VEZF1: variants seen among roughly 807,000 people sequenced by gnomAD.
The protein encoded by VEZF1 is putative transcription factor DB1.
A neutral mutation model predicts 44.1 loss-of-function variants in VEZF1; 5 were observed. The observed-to-expected ratio is 0.11, with a 90% CI of 0.06 to 0.24. VEZF1 has a LOEUF of 0.24. Among genes scored for constraint, VEZF1 ranks in the 10% least tolerant of loss-of-function variants. The pLI, the probability that VEZF1 is intolerant of heterozygous loss-of-function variation, is 1.00. For synonymous variants in VEZF1, 236 were observed against 233.1 expected, an observed-to-expected ratio of 1.01 and a Z score of -0.11; for missense variants, 358 against 641.8, an observed-to-expected ratio of 0.56 and a Z score of 4.78.
chr17:57,986,411 T>C (rs2075294095), intron 1 of VEZF1, among the ~76,000 whole-genome samples: 1 of 152,210 alleles, frequency 6.6e-6, no homozygotes, highest in Admixed American at 6.5e-5. Flanking sequence ...AATAACCATT[T>C]GAGCTTTTTT....
At chr17:57,981,996 T>G (rs1403632522) in intron 2 of VEZF1, 60 bp from the exon 3 acceptor site, 22 of 1,568,128 alleles carry the variant, frequency 1.4e-5, no homozygotes, top group Non-Finnish European at 1.8e-5. Context: ...ATGCTACTTA[T>G]GTGATGCTCA....
rs766829949 is a variant in VEZF1, at chr17:57,980,756, T to C, written c.823A>G (p.Arg275Gly). 6.2e-7 allele frequency: 1 copy of C among 1,614,098 alleles called. No individual in the cohort carries two copies. Among genetic ancestry groups the C allele is most frequent in the Non-Finnish European group, 8.5e-7 (1 of 1,180,036 alleles). Residue 275 changes from arginine (R) to glycine (G), a missense_variant, in exon 4 of 6, where the codon AGA becomes GGA. Around this residue, in one of 4 missense-constraint regions of VEZF1, gnomAD observed 48 missense variants for 144.9 expected, o/e 0.33. Transcript: ENST00000581208. ...TCTAAFATKD[R>G]LRTHMVRHEG... ...TGGCGCACCATGTGTGTCCGCAGTC[T>C]GTCTTTGGTGGCAAAGGCAGCAGTG...
intron 4 of VEZF1, among the ~76,000 whole-genome samples, chr17:57,980,153 A>C (rs1318631961): frequency 1.3e-5 from 2 of 152,040 alleles, no homozygotes; most frequent in East Asian, 3.8e-4. Context: ...TTTTTTTGAG[A>C]ATTTGATGTT....
At position 57,981,856 on chromosome 17, in the gene VEZF1, G is replaced by A. The variant is rs1242440530; in HGVS notation, c.792+17C>T. On this transcript the variant is annotated intron_variant, in intron 3 of 5. Transcript: ENST00000581208. ...GCATTAAGTGCTACACTAAGGATAA[G>A]TCATTTTAACTCTTACTTGGCATTT... 26 of 1,611,390 alleles carry A rather than the reference G, an allele frequency of 1.6e-5. No individual in the cohort carries two copies. Among genetic ancestry groups the A allele is most frequent in the Non-Finnish European group, 2.1e-5 (25 of 1,177,584 alleles).
At chr17:57,982,008 A>G (rs2075253508) in intron 2 of VEZF1, 72 bp from the exon 3 acceptor site, 1 of 1,530,300 alleles carries the variant, frequency 6.5e-7, no homozygotes, top group Non-Finnish European at 9.0e-7. Flanking sequence ...TGATGCTCAC[A>G]TGCTTGGCAG....
At chr17:57,975,066 C>T (rs557853352) in intron 5 of VEZF1, among the ~76,000 whole-genome samples, 166 bp from the exon 6 acceptor site, 1 of 152,310 alleles carries the variant, frequency 6.6e-6, no homozygotes, top group African/African-American at 2.4e-5. Context: ...GAGCACAAGC[C>T]TGGGGGCCAG....
At chr17:57,979,894 C>A (rs1216545118) in intron 4 of VEZF1, among the ~76,000 whole-genome samples, 1 of 147,648 alleles carries the variant, frequency 6.8e-6, no homozygotes, top group African/African-American at 2.5e-5. Context: ...CGCTTGAACC[C>A]AGGAGGCGGA....
intron 1 of VEZF1, among the ~76,000 whole-genome samples, chr17:57,986,562 T>C (rs770701862): frequency 6.6e-6 from 1 of 152,200 alleles, no homozygotes; most frequent in Non-Finnish European, 1.5e-5. Flanking sequence ...CTGATCAGAA[T>C]GAGAAAAGGG....
Position 57,974,095 on chromosome 17 carries a change from G to A in VEZF1, c.*378C>T, listed in dbSNP as rs1309759452. 9.5e-6 allele frequency: 2 copies of A among 210,892 alleles called. No individual in the cohort carries two copies. Among genetic ancestry groups the A allele is most frequent in the Non-Finnish European group, 1.9e-5 (2 of 103,246 alleles). The allele number at this position is 210,892 out of a possible 1,614,324, so 13.1% of individuals were successfully genotyped here. ...AAATCAGCCATCCACCTTGTATAGG[G>A]AGAAGAGTTCTGCTAGTGTTTACAA... On this transcript the variant is annotated 3_prime_UTR_variant, in exon 6 of 6. Transcript: ENST00000581208.
At chr17:57,983,997 A>G (rs2075274047) in intron 1 of VEZF1, among the ~76,000 whole-genome samples, 1 of 152,190 alleles carries the variant, frequency 6.6e-6, no homozygotes, top group Non-Finnish European at 1.5e-5. Flanking sequence ...GTTGAAACAA[A>G]ATCTGCTATG....
At chr17:57,975,559 A>G (rs1223151818) in intron 5 of VEZF1, among the ~76,000 whole-genome samples, 1 of 152,220 alleles carries the variant, frequency 6.6e-6, no homozygotes, top group South Asian at 2.1e-4. Context: ...AAATAATCTT[A>G]TTCTTTCTGG....
chr17:57,981,306 CCAG>C (rs2075247855), intron 3 of VEZF1, among the ~76,000 whole-genome samples: 1 of 152,168 alleles, frequency 6.6e-6, no homozygotes, highest in African/African-American at 2.4e-5. Context: ...TAAAAGACTT[CCAG>C]CAACAAACTA....
chr17:57,980,460 T>C (rs2075238687), intron 4 of VEZF1, 143 bp downstream of exon 4: 1 of 723,432 alleles, frequency 1.4e-6, no homozygotes, highest in African/African-American at 1.8e-5. Context: ...ATTAATATAC[T>C]CTGTCCATTG....
chr17:57,974,832 T>C lies in VEZF1; in HGVS notation c.1207A>G (p.Ile403Val). Residue 403 changes from isoleucine to valine, a missense_variant, in exon 6 of 6, where the codon ATA (isoleucine) becomes GTA (valine). Transcript: ENST00000581208. ...TPVTLTTPFSITSSVSSGTMS... is the reference protein window; with the variant it reads ...TPVTLTTPFSVTSSVSSGTMS... ...GTCCCAGACGACACAGAGGATGTTA[T>C]ACTGAATGGAGTAGTGAGAGTCACA... 6.2e-7 allele frequency: 1 copy of C among 1,614,196 alleles called. No individual in the cohort carries two copies. The highest frequency in any genetic ancestry group is 8.5e-7 in the Non-Finnish European group (1 of 1,180,032).
chr17:57,979,682 G>A (rs997389580), intron 4 of VEZF1, among the ~76,000 whole-genome samples: 7 of 152,046 alleles, frequency 4.6e-5, no homozygotes, highest in African/African-American at 1.2e-4. Context: ...TTTATAGGCC[G>A]GGTGCAGTGG....
intron 1 of VEZF1, among the ~76,000 whole-genome samples, chr17:57,984,665 C>CA (rs1346287561): frequency 2.0e-5 from 3 of 152,008 alleles, no homozygotes; most frequent in Non-Finnish European, 4.4e-5. Flanking sequence ...AACTTAAGGA[C>CA]AAAAAAACAA....
intron 1 of VEZF1, among the ~76,000 whole-genome samples, chr17:57,986,767 G>C (rs2075297477): frequency 6.6e-6 from 1 of 152,182 alleles, no homozygotes; most frequent in South Asian, 2.1e-4. Flanking sequence ...TCCAGTGGCT[G>C]GGAGAATAAT....
chr17:57,985,532 T>C, intron 1 of VEZF1: 1 of 818,194 alleles, frequency 1.2e-6, no homozygotes, highest in Non-Finnish European at 1.5e-6. Context: ...ATTTTAAAAA[T>C]ATAACTTCTG....
chr17:57,983,266 C>T lies in VEZF1; in HGVS notation c.161G>A (p.Gly54Asp). 2 of 1,614,024 alleles carry T rather than the reference C, an allele frequency of 1.2e-6. No individual in the cohort carries two copies. Among genetic ancestry groups the T allele is most frequent in the Non-Finnish European group, 1.7e-6 (2 of 1,180,014 alleles). Residue 54 changes from glycine (G) to aspartate (D), a missense_variant, in exon 2 of 6, where the codon GGT becomes GAT. Coordinates refer to ENST00000581208, the MANE Select transcript of VEZF1 (RefSeq NM_007146.3). The part of the protein sequence containing the change: ...LPIPITQKPQ[G>D]APETLKDAIG... ...GGCATCCTTTAATGTTTCTGGTGCA[C>T]CCTGAGGTTTCTGAGTTATTGGTAT...
Sources: allele counts gnomAD v4.1 joint callset (sites outside exome capture counted in the v4.1 genomes callset), GRCh38; gene constraint gnomAD v4.1.1; regional missense constraint gnomAD v4.1.1; transcripts MANE v1.5; gene names NCBI Gene and HGNC (gene_info 2026-07-23, HGNC 2026-07-21).